The following DGKB variants were observed in gnomAD, a reference collection of about 807,000 sequenced individuals.
DGKB encodes diacylglycerol kinase beta.
Under a neutral mutation model 114.3 loss-of-function variants are expected in DGKB, and 67 were observed. The ratio of observed to expected loss-of-function variants is 0.59; its 90% CI spans 0.48 to 0.72. The LOEUF is 0.72. Among genes scored for constraint, DGKB ranks in the 30% least tolerant of loss-of-function variants. DGKB has a pLI of 0.00. For missense variants in DGKB, 907 were observed against 975.2 expected, an observed-to-expected ratio of 0.93 and a Z score of 0.93; for synonymous variants, 398 against 323.1, an observed-to-expected ratio of 1.23 and a Z score of -2.49.
At chr7:14,198,935 A>T (rs900957386) in intron 23 of DGKB, among the ~76,000 whole-genome samples, 1 of 152,074 alleles carries the variant, frequency 6.6e-6, no homozygotes, top group African/African-American at 2.4e-5. Flanking sequence ...TCCCAGTGGA[A>T]GGTACTAAAC....
At chr7:14,899,695 G>C (rs1020617729) in intron 1 of DGKB, among the ~76,000 whole-genome samples, 1 of 152,060 alleles carries the variant, frequency 6.6e-6, no homozygotes, top group African/African-American at 2.4e-5. Context: ...TTGGAATCGT[G>C]AGTGTGCCAA....
chr7:14,581,132 C>T (rs964579757), intron 18 of DGKB, among the ~76,000 whole-genome samples, 181 bp from the exon 19 acceptor site: 1 of 152,070 alleles, frequency 6.6e-6, no homozygotes, highest in South Asian at 2.1e-4. Context: ...ACATTTGTAG[C>T]AATTGATAAG....
intron 4 of DGKB, chr7:14,750,157 A>G: frequency 1.9e-6 from 1 of 518,524 alleles, no homozygotes; most frequent in Non-Finnish European, 3.9e-6. Context: ...CAAGCTTCTA[A>G]TTGACACTGA....
At chr7:14,635,499 C>T (rs1032976932) in intron 13 of DGKB, among the ~76,000 whole-genome samples, 1 of 151,182 alleles carries the variant, frequency 6.6e-6, no homozygotes, top group African/African-American at 2.4e-5. Flanking sequence ...ACTGTTCTTT[C>T]CAAAGACTGA....
Position 14,486,175 on chromosome 7 carries a change from T to C in DGKB, c.1771-7950A>G, listed in dbSNP as rs77719675. On this transcript the variant is annotated intron_variant, in intron 20 of 25. Transcript: ENST00000402815. ...TCTGTGAGATAAGGCCTGCCTTACTTCAGCATTTTCCCATTGTCCCTCCCA... is the reference window on the plus strand; with the variant it reads ...TCTGTGAGATAAGGCCTGCCTTACTCCAGCATTTTCCCATTGTCCCTCCCA... 9.8e-3 allele frequency among the ~76,000 whole-genome samples: 1,487 copies of C among 152,288 alleles called. 25 individuals carry two copies. Among genetic ancestry groups the C allele is most frequent in the African/African-American group, 0.033 (1,354 of 41,554 alleles).
intron 13 of DGKB, among the ~76,000 whole-genome samples, chr7:14,639,164 A>G (rs1811286541): frequency 6.6e-6 from 1 of 152,202 alleles, no homozygotes; most frequent in Non-Finnish European, 1.5e-5. Context: ...TAGCTCTGGA[A>G]CTGGATAACA....
intron 1 of DGKB, among the ~76,000 whole-genome samples, chr7:14,972,034 C>T (rs2115309701): frequency 6.6e-6 from 1 of 152,222 alleles, no homozygotes. Context: ...GTGTGAGCTG[C>T]CATGCCTGAC....
intron 12 of DGKB, among the ~76,000 whole-genome samples, chr7:14,674,522 G>T (rs1042453451): frequency 6.6e-6 from 1 of 152,142 alleles, no homozygotes; most frequent in Admixed American, 6.6e-5. Context: ...ATTAGCAAGT[G>T]TTGGGATGGA....
intron 23 of DGKB, among the ~76,000 whole-genome samples, chr7:14,187,954 G>A (rs999436137): frequency 4.0e-5 from 6 of 151,784 alleles, no homozygotes; most frequent in African/African-American, 1.5e-4. Flanking sequence ...AATAAAATCA[G>A]GAAAACAATT....
intron 2 of DGKB, among the ~76,000 whole-genome samples, chr7:14,768,370 A>T (rs909938798): frequency 6.6e-6 from 1 of 151,930 alleles, no homozygotes; most frequent in Admixed American, 6.6e-5. Context: ...CACAAAGTAG[A>T]CCTTCATTTT....
At chr7:14,486,956 A>G (rs914622996) in intron 20 of DGKB, among the ~76,000 whole-genome samples, 10 of 152,236 alleles carry the variant, frequency 6.6e-5, no homozygotes, top group African/African-American at 2.2e-4. Flanking sequence ...AAATCTATAG[A>G]TTTAATTTAA....
chr7:14,824,305 C>T (rs6461137), intron 2 of DGKB, among the ~76,000 whole-genome samples: 6 of 151,914 alleles, frequency 3.9e-5, no homozygotes, highest in Admixed American at 6.6e-5. Context: ...TGATAAATTA[C>T]GTTTTCACGT....
At chr7:14,771,145 A>C (rs1163067914) in intron 2 of DGKB, among the ~76,000 whole-genome samples, 1 of 152,094 alleles carries the variant, frequency 6.6e-6, no homozygotes, top group Admixed American at 6.6e-5. Flanking sequence ...AAGTAAATTT[A>C]CTGAGGCTCC....
rs544386016 is a variant in DGKB, at chr7:14,914,739, A to G, written c.-188+59957T>C. 2.0e-5 allele frequency among the ~76,000 whole-genome samples: 3 copies of G among 152,236 alleles called. No individual in the cohort carries two copies. In the South Asian group the frequency reaches 6.2e-4, roughly 32 times the overall value. On this transcript the variant is annotated intron_variant, in intron 1 of 4. Coordinates refer to the DGKB transcript ENST00000437998. Reference sequence around the variant, plus strand: ...TTAAAATAACTAGGATTAATATGTTAAAGGATCTAACGGAAAAAGTAGACA... The same window carrying G: ...TTAAAATAACTAGGATTAATATGTTGAAGGATCTAACGGAAAAAGTAGACA...
At chr7:14,808,066 T>G (rs1420507517) in intron 2 of DGKB, among the ~76,000 whole-genome samples, 1 of 152,056 alleles carries the variant, frequency 6.6e-6, no homozygotes, top group African/African-American at 2.4e-5. Flanking sequence ...ATCCAACCCA[T>G]ATTCTAATAT....
At position 14,454,594 on chromosome 7, in the gene DGKB, A is replaced by G. The variant is rs539895332; in HGVS notation, c.1835+23567T>C. Among the ~76,000 whole-genome samples, 35 of 152,200 alleles carry G rather than the reference A, an allele frequency of 2.3e-4. 2 individuals are homozygous for G. In the South Asian group the frequency reaches 7.2e-3, roughly 32 times the overall value. The stretch of plus-strand genomic sequence containing the variant: ...ACGATCTTTGCATTATATAGAAATC[A>G]TATATGATTGCTATCAGATGCACGT... On this transcript the variant is annotated intron_variant, in intron 21 of 25. Transcript: ENST00000402815.
rs535147325 is a variant in DGKB at position 14,716,846 on chromosome 7, C to A, written c.466+1696G>T. Among the ~76,000 whole-genome samples the A allele has an allele frequency of 2.0e-5, 3 of 152,144 alleles. No individual in the cohort carries two copies. In the South Asian group the frequency reaches 6.2e-4, roughly 32 times the overall value. Reference sequence around the variant, plus strand: ...TAGAAGATAGGAGAAAAGAGACCTACGGCATCATGTATTTTGAAGAGTTTG... The same window carrying A: ...TAGAAGATAGGAGAAAAGAGACCTAAGGCATCATGTATTTTGAAGAGTTTG... On this transcript the variant is annotated intron_variant, in intron 6 of 25. Transcript: ENST00000402815.
chr7:14,547,319 T>A (rs564477968), intron 20 of DGKB, among the ~76,000 whole-genome samples: 2 of 152,160 alleles, frequency 1.3e-5, no homozygotes, highest in African/African-American at 4.8e-5. Flanking sequence ...TTTCTGTACA[T>A]ACCACATAAA....
chr7:14,363,902 A>C lies in DGKB; in HGVS notation c.1836-18511T>G, dbSNP rs186652096. On this transcript the variant is annotated intron_variant, in intron 21 of 25. Transcript: ENST00000402815. The stretch of plus-strand genomic sequence containing the variant: ...AATAATGAAAATGAATTAGAGAGAA[A>C]TGAGCTTTGGTAATTGTGACTGTCT... Among the ~76,000 whole-genome samples, 22 of 152,192 alleles carry C rather than the reference A, an allele frequency of 1.4e-4. No homozygotes were observed. In the East Asian group the frequency reaches 3.7e-3, roughly 25 times the overall value.
Sources: allele counts gnomAD v4.1 joint callset (sites outside exome capture counted in the v4.1 genomes callset), GRCh38; gene constraint gnomAD v4.1.1; transcripts MANE v1.5; gene names NCBI Gene and HGNC (gene_info 2026-07-23, HGNC 2026-07-21).